XKR4: variants seen among roughly 807,000 people sequenced by gnomAD.
XKR4 encodes the protein XK-related protein 4.
In XKR4, 12 loss-of-function variants were observed where a neutral mutation model predicts 53.9. The observed-to-expected ratio is 0.22, with a 90% confidence interval of 0.14 to 0.36. The LOEUF is 0.36. XKR4 is among the 10% of genes least tolerant of loss of function. XKR4 has a pLI of 1.00. For missense variants in XKR4, 799 were observed against 859.5 expected, an observed-to-expected ratio of 0.93 and a Z score of 0.88; for synonymous variants, 354 against 362.4, an observed-to-expected ratio of 0.98 and a Z score of 0.26.
rs534771569 is a variant in XKR4, at chr8:55,522,483, T to C, written c.1007-798T>C. 1.1e-4 allele frequency among the ~76,000 whole-genome samples: 17 copies of C among 152,318 alleles called. No individual in the cohort carries two copies. The South Asian group carries it at 3.5e-3, about 32-fold the overall frequency. ...TTGCCAAGGATGTTGTACACACACC[T>C]TTTATTTTTAAGAATGCATAAACTG... is the stretch of plus-strand genomic sequence containing the variant. On this transcript the variant is annotated intron_variant, in intron 2 of 2. Transcript: ENST00000327381.
At chr8:55,204,667 G>C (rs550433390) in intron 1 of XKR4, among the ~76,000 whole-genome samples, 3 of 152,308 alleles carry the variant, frequency 2.0e-5, no homozygotes, top group Admixed American at 2.0e-4. Flanking sequence ...ACAGAGAGTA[G>C]AGAAAGATTG....
At chr8:55,477,119 C>A (rs1806002411) in intron 2 of XKR4, among the ~76,000 whole-genome samples, 2 of 152,032 alleles carry the variant, frequency 1.3e-5, no homozygotes, top group Admixed American at 1.3e-4. Flanking sequence ...TGACCCCGAG[C>A]AGCCTAACTG....
intron 1 of XKR4, among the ~76,000 whole-genome samples, chr8:55,303,036 G>A (rs1277015032): frequency 6.6e-6 from 1 of 152,182 alleles, no homozygotes. Context: ...ACACTATGTT[G>A]AATAGGAGTG....
At position 55,103,175 on chromosome 8, in the gene XKR4, C is replaced by T. The variant is rs934802438; in HGVS notation, c.687C>T (p.Ser229=). The part of the protein sequence containing the change: ...ASKSNIAAAN[S]GSNSSGATRA... The stretch of plus-strand genomic sequence containing the variant: ...AGAGCAACATCGCCGCGGCCAACAG[C>T]GGCAGCAACAGCAGCGGGGCTACCC... Residue 229 remains serine, a synonymous_variant, in exon 1 of 3, where the codon AGC becomes AGT. Transcript: ENST00000327381. 3.7e-6 allele frequency: 6 copies of T among 1,613,920 alleles called. No individual in the cohort carries two copies. The African/African-American group carries it at 8.0e-5, about 22-fold the overall frequency.
intron 1 of XKR4, among the ~76,000 whole-genome samples, chr8:55,295,501 TAAC>T (rs796846503): frequency 5.3e-4 from 80 of 152,280 alleles, no homozygotes; most frequent in African/African-American, 1.9e-3. Flanking sequence ...GACAAAGAAA[TAAC>T]AACAATATGT....
At chr8:55,371,609 A>G (rs1804070974) in intron 2 of XKR4, among the ~76,000 whole-genome samples, 1 of 152,218 alleles carries the variant, frequency 6.6e-6, no homozygotes. Context: ...CAACAACTTC[A>G]TAAGGAAAGA....
intron 1 of XKR4, among the ~76,000 whole-genome samples, chr8:55,331,181 TAA>T (rs896989206): frequency 2.0e-5 from 3 of 152,188 alleles, no homozygotes; most frequent in African/African-American, 7.2e-5. Flanking sequence ...AGATACTTTC[TAA>T]TTTTCCTTGT....
intron 2 of XKR4, among the ~76,000 whole-genome samples, chr8:55,486,240 A>G (rs1356104410): frequency 6.6e-6 from 1 of 152,186 alleles, no homozygotes; most frequent in East Asian, 1.9e-4. Context: ...TATTAATATC[A>G]TGACAGAAAA....
chr8:55,244,210 C>T (rs1236242537), intron 1 of XKR4, among the ~76,000 whole-genome samples: 1 of 152,150 alleles, frequency 6.6e-6, no homozygotes, highest in Non-Finnish European at 1.5e-5. Context: ...CTATCCTCTC[C>T]CTCCTCTCAC....
At chr8:55,230,867 G>A (rs1052621172) in intron 1 of XKR4, among the ~76,000 whole-genome samples, 1 of 152,124 alleles carries the variant, frequency 6.6e-6, no homozygotes, top group Non-Finnish European at 1.5e-5. Flanking sequence ...CCAAGCCACT[G>A]GTGCTCGGAG....
Position 55,103,851 on chromosome 8 carries a change from GTATATATATATATATATATA to G in XKR4, c.806+581_806+600del, listed in dbSNP as rs60831330. ...AAGATCCTAATAGGCAAATGACTTTGTATATATATATATATATATATATATATATATATATATATATATCC... is the reference window on the plus strand; with the variant it reads ...AAGATCCTAATAGGCAAATGACTTTGTATATATATATATATATATATATCC... On this transcript the variant is annotated intron_variant, in intron 1 of 2. Coordinates refer to ENST00000327381, the MANE Select transcript of XKR4 (RefSeq NM_052898.2). Among the ~76,000 whole-genome samples the G allele has an allele frequency of 4.2e-3, 450 of 106,014 alleles. 8 individuals are homozygous for G. The highest frequency in any genetic ancestry group is 0.016 in the Middle Eastern group (3 of 182). The allele number at this position is 106,014 out of a possible 152,430, so 69.5% of individuals were successfully genotyped here.
At chr8:55,173,108 A>G (rs1817184801) in intron 1 of XKR4, among the ~76,000 whole-genome samples, 1 of 152,150 alleles carries the variant, frequency 6.6e-6, no homozygotes, top group Non-Finnish European at 1.5e-5. Flanking sequence ...ATTACTGCAA[A>G]TGCTCACCCC....
chr8:55,159,851 G>C (rs1816960475), intron 1 of XKR4, among the ~76,000 whole-genome samples: 1 of 152,192 alleles, frequency 6.6e-6, no homozygotes, highest in African/African-American at 2.4e-5. Context: ...TTCATCTGTG[G>C]TCCTGGCTGC....
At position 55,536,947 on chromosome 8, in the gene XKR4, A is replaced by G. The variant is rs1396611258; in HGVS notation, c.*12720A>G. The G allele has an allele frequency of 1.3e-5, 2 of 152,240 alleles. No individual in the cohort carries two copies. Among genetic ancestry groups the G allele is most frequent in the Non-Finnish European group, 2.9e-5 (2 of 68,038 alleles). The allele number at this position is 152,240 out of a possible 1,614,324, so 9.4% of individuals were successfully genotyped here. On this transcript the variant is annotated 3_prime_UTR_variant, in exon 3 of 3. Transcript: ENST00000327381. ...TGATAAAATGGCTCAAGGGAAATACAAGTTTCTTAAGTTTTTATTCTTCAA... is the reference window on the plus strand; with the variant it reads ...TGATAAAATGGCTCAAGGGAAATACGAGTTTCTTAAGTTTTTATTCTTCAA...
rs11313216 is a variant in XKR4 at position 55,532,796 on chromosome 8, C to CAAAAA, written c.*8589_*8593dup. The CAAAAA allele has an allele frequency of 9.9e-5, 7 of 70,942 alleles. No homozygotes were observed. Among genetic ancestry groups the CAAAAA allele is most frequent in the East Asian group, 8.6e-4 (2 of 2,316 alleles). The allele number at this position is 70,942 out of a possible 1,614,324, so 4.4% of individuals were successfully genotyped here. On this transcript the variant is annotated 3_prime_UTR_variant, in exon 3 of 3. Transcript: ENST00000327381. ...TGGGTGACAGAGCAAGACTCCGTCT[C>CAAAAA]AAAAAAAAAAAAAAAAAAAAAAAAG...
intron 2 of XKR4, among the ~76,000 whole-genome samples, chr8:55,464,613 A>G (rs963529704): frequency 6.6e-6 from 1 of 152,168 alleles, no homozygotes; most frequent in Non-Finnish European, 1.5e-5. Flanking sequence ...CCTATTCAAC[A>G]TGGTGCTGGA....
At chr8:55,225,794 C>T (rs374090795) in intron 1 of XKR4, among the ~76,000 whole-genome samples, 29 of 152,248 alleles carry the variant, frequency 1.9e-4, no homozygotes, top group African/African-American at 6.3e-4. Context: ...TAGAGACAGG[C>T]GCCAACCAGT....
chr8:55,489,394 A>G (rs1468332608), intron 2 of XKR4, among the ~76,000 whole-genome samples: 1 of 152,204 alleles, frequency 6.6e-6, no homozygotes, highest in South Asian at 2.1e-4. Flanking sequence ...CAATTTTGCT[A>G]CAAAAGAGAA....
At chr8:55,423,963 G>A (rs541804184) in intron 2 of XKR4, among the ~76,000 whole-genome samples, 150 of 152,260 alleles carry the variant, frequency 9.9e-4, no homozygotes, top group African/African-American at 3.5e-3. Flanking sequence ...TGTGTGGATG[G>A]GAGCAAACCT....
Sources: gnomAD v4.1 joint callset for allele counts (sites outside exome capture counted in the v4.1 genomes callset) on GRCh38, gnomAD v4.1.1 for gene constraint, MANE v1.5 for transcripts, NCBI Gene and HGNC (gene_info 2026-07-23, HGNC 2026-07-21) for gene names.